SCMH1: variants seen among roughly 807,000 people sequenced by gnomAD.
SCMH1 encodes polycomb protein SCMH1.
Under a neutral mutation model 70.8 loss-of-function variants are expected in SCMH1, and 37 were observed. That is an observed-to-expected ratio of 0.52 (90% CI 0.40 to 0.69). The LOEUF (loss-of-function observed/expected upper bound fraction) is 0.69, where lower values mean the gene tolerates loss of function less well. Among genes scored for constraint, SCMH1 ranks in the 30% least tolerant of loss-of-function variants. The probability of loss-of-function intolerance (pLI) is 0.00; values close to 1 mark genes in which losing one functional copy is unlikely to be tolerated. For synonymous variants in SCMH1, 292 were observed against 307.4 expected, an observed-to-expected ratio of 0.95 and a Z score of 0.52; for missense variants, 607 against 827.3, an observed-to-expected ratio of 0.73 and a Z score of 3.27.
intron 10 of SCMH1, among the ~76,000 whole-genome samples, chr1:41,056,310 C>T (rs1157633562): frequency 6.6e-6 from 1 of 152,210 alleles, no homozygotes. Context: ...TGAGGTACCC[C>T]AACTGATGCC....
intron 1 of SCMH1, among the ~76,000 whole-genome samples, chr1:41,232,415 T>A (rs1661478151): frequency 6.6e-6 from 1 of 152,232 alleles, no homozygotes; most frequent in South Asian, 2.1e-4. Context: ...CATTGTTTGG[T>A]GAGATAGAAG....
chr1:41,150,511 A>G (rs12048187), intron 5 of SCMH1, among the ~76,000 whole-genome samples: 16,464 of 152,180 alleles, frequency 0.11, 1,265 homozygotes, highest in East Asian at 0.27. Context: ...TCAAAACAAA[A>G]CAAAACAAAA....
chr1:41,037,633 CAG>C, intron 12 of SCMH1, 92 bp from the exon 13 acceptor site: 2 of 1,149,788 alleles, frequency 1.7e-6, no homozygotes, highest in Non-Finnish European at 2.5e-6. Context: ...GCAGCAACAA[CAG>C]AGAAAGCCCT....
intron 1 of SCMH1, among the ~76,000 whole-genome samples, chr1:41,190,046 T>C (rs1651302056): frequency 6.6e-6 from 1 of 152,228 alleles, no homozygotes; most frequent in South Asian, 2.1e-4. Flanking sequence ...ATCAGCATCA[T>C]CATTATTCCA....
At chr1:41,155,085 A>G (rs1365561304) in intron 4 of SCMH1, among the ~76,000 whole-genome samples, 1 of 152,248 alleles carries the variant, frequency 6.6e-6, no homozygotes, top group East Asian at 1.9e-4. Context: ...CTAAGCTAAG[A>G]CTTTACAGAT....
At chr1:41,228,345 G>T (rs11209725) in intron 1 of SCMH1, among the ~76,000 whole-genome samples, 54,226 of 152,062 alleles carry the variant, frequency 0.36, 11,046 homozygotes, top group Admixed American at 0.51. Flanking sequence ...ATGGTGATGA[G>T]GGTTGCGCAG....
intron 1 of SCMH1, among the ~76,000 whole-genome samples, chr1:41,191,055 T>C (rs1447446530): frequency 6.6e-6 from 1 of 152,156 alleles, no homozygotes; most frequent in Non-Finnish European, 1.5e-5. Context: ...TTTTATTTTT[T>C]GTAGAGGCGA....
intron 8 of SCMH1, among the ~76,000 whole-genome samples, chr1:41,093,715 C>T (rs914244053): frequency 1.8e-4 from 28 of 152,224 alleles, no homozygotes; most frequent in Admixed American, 7.2e-4. Flanking sequence ...TCCCAAATAT[C>T]AGCATATTTT....
intron 7 of SCMH1, among the ~76,000 whole-genome samples, chr1:41,115,578 C>T (rs1349778044): frequency 1.3e-5 from 2 of 152,220 alleles, no homozygotes; most frequent in Admixed American, 6.5e-5. Context: ...GCTGCGACTA[C>T]AGGCACGTGC....
chr1:41,177,881 C>G (rs1366093819), intron 2 of SCMH1, among the ~76,000 whole-genome samples: 1 of 152,152 alleles, frequency 6.6e-6, no homozygotes, highest in African/African-American at 2.4e-5. Flanking sequence ...TCAGGAAATA[C>G]AGAGAATGCC....
intron 8 of SCMH1, among the ~76,000 whole-genome samples, chr1:41,079,464 T>C (rs536188264): frequency 6.6e-6 from 1 of 152,240 alleles, no homozygotes; most frequent in African/African-American, 2.4e-5. Flanking sequence ...TAATGTACTC[T>C]ATAAACACTA....
intron 1 of SCMH1, among the ~76,000 whole-genome samples, chr1:41,239,094 C>T (rs998638969): frequency 6.6e-6 from 1 of 151,236 alleles, no homozygotes. Flanking sequence ...TGATAGACAC[C>T]TTCCAGTGAT....
chr1:41,156,777 T>C (rs1413596141), intron 4 of SCMH1, among the ~76,000 whole-genome samples: 2 of 151,910 alleles, frequency 1.3e-5, no homozygotes, highest in Non-Finnish European at 2.9e-5. Context: ...AGAGCATGCA[T>C]AGTTTAGATT....
At chr1:41,099,182 A>C (rs1460808886) in intron 8 of SCMH1, 1 of 196,012 alleles carries the variant, frequency 5.1e-6, no homozygotes, top group Non-Finnish European at 1.1e-5. Context: ...CACCATAAAA[A>C]TATAGCAAAT....
intron 1 of SCMH1, among the ~76,000 whole-genome samples, chr1:41,194,054 T>C (rs1652405031): frequency 1.3e-5 from 2 of 152,214 alleles, no homozygotes; most frequent in South Asian, 2.1e-4. Context: ...GGGCTTTATC[T>C]TACAGCTATT....
chr1:41,227,797 T>C (rs1487315798), intron 1 of SCMH1, among the ~76,000 whole-genome samples: 1 of 152,048 alleles, frequency 6.6e-6, no homozygotes, highest in Non-Finnish European at 1.5e-5. Flanking sequence ...GCCAACATAG[T>C]GAAACCCCGT....
chr1:41,185,493 T>C (rs1649934255), intron 2 of SCMH1, among the ~76,000 whole-genome samples: 1 of 152,186 alleles, frequency 6.6e-6, no homozygotes, highest in Admixed American at 6.5e-5. Context: ...CTTCTTCTTT[T>C]TACCTTTCTA....
At chr1:41,185,636 A>AT (rs35853628) in intron 2 of SCMH1, among the ~76,000 whole-genome samples, 2,509 of 139,776 alleles carry the variant, frequency 0.018, 57 homozygotes, top group African/African-American at 0.05. Flanking sequence ...ATTGTTACAG[A>AT]TTTTTTTTTT....
chr1:41,048,239 C>T (rs1647082003), intron 11 of SCMH1, among the ~76,000 whole-genome samples: 1 of 152,218 alleles, frequency 6.6e-6, no homozygotes, highest in South Asian at 2.1e-4. Context: ...AAGGAAATGA[C>T]TTTTCCCAAC....
Sources: gnomAD v4.1 joint callset for allele counts (sites outside exome capture counted in the v4.1 genomes callset) on GRCh38, gnomAD v4.1.1 for gene constraint, MANE v1.5 for transcripts, NCBI Gene and HGNC (gene_info 2026-07-23, HGNC 2026-07-21) for gene names.